SLC25A48: variants seen among roughly 807,000 people sequenced by gnomAD.
SLC25A48 encodes the protein CTC-321K16.1.
A neutral mutation model predicts 32.2 loss-of-function variants in SLC25A48; 29 were observed. The ratio of observed to expected loss-of-function variants is 0.90; its 90% CI spans 0.67 to 1.23. SLC25A48 has a LOEUF of 1.23. Among genes scored for constraint, SLC25A48 ranks in the 50% most tolerant of loss-of-function variants. The pLI is 0.00. For synonymous variants in SLC25A48, 164 were observed against 172.3 expected (o/e 0.95, Z 0.38); for missense variants, 399 against 422.7 (o/e 0.94, Z 0.49).
intron 1 of SLC25A48, among the ~76,000 whole-genome samples, chr5:135,583,462 G>A (rs138507794): frequency 4.5e-4 from 68 of 151,964 alleles, no homozygotes; most frequent in African/African-American, 1.5e-3. Context: ...AGTTCTTTTC[G>A]TGACTGACCT....
chr5:135,651,453 C>T (rs12513700), intron 3 of SLC25A48, among the ~76,000 whole-genome samples: 1 of 152,104 alleles, frequency 6.6e-6, no homozygotes, highest in African/African-American at 2.4e-5. Context: ...TAGGCAGATT[C>T]CCAGCAAGTC....
At chr5:135,585,970 A>T (rs533600200) in intron 1 of SLC25A48, among the ~76,000 whole-genome samples, 2 of 152,322 alleles carry the variant, frequency 1.3e-5, no homozygotes, top group South Asian at 4.1e-4. Flanking sequence ...TATTTATGAA[A>T]TGCTTATAGA....
intron 3 of SLC25A48, among the ~76,000 whole-genome samples, chr5:135,709,034 G>A (rs1159476209): frequency 2.0e-5 from 3 of 152,132 alleles, no homozygotes; most frequent in East Asian, 3.8e-4. Flanking sequence ...ACAAAATGTG[G>A]AAAACTCCAT....
upstream of SLC25A48, among the ~76,000 whole-genome samples, chr5:135,830,157 CA>C (rs1401377777): frequency 6.6e-6 from 1 of 152,130 alleles, no homozygotes; most frequent in East Asian, 1.9e-4. Context: ...ACGGCCCACA[CA>C]TATACTGAGT....
rs1435908601 is a variant in SLC25A48 at position 135,656,553 on chromosome 5, G to T, written c.-521+21597G>T. On this transcript the variant is annotated intron_variant, in intron 3 of 10. Transcript: ENST00000646290. ...ACTGTCCCCCTCTCTGTTATGGGTG[G>T]TATTGTATCCCCTCCAAAATAGACA... 2.0e-5 allele frequency among the ~76,000 whole-genome samples: 3 copies of T among 152,104 alleles called. No individual in the cohort carries two copies. The East Asian group carries it at 5.8e-4, about 29-fold the overall frequency.
In SLC25A48 at chr5:135,623,291, A is replaced by G. The variant is rs529715065; in HGVS notation, c.-848-5946A>G. ...AAGCTTTGTCTCCTCTTAACTCCCCATTTTAGTGCCTTACCTAGCTCCAGG... is the reference window on the plus strand; with the variant it reads ...AAGCTTTGTCTCCTCTTAACTCCCCGTTTTAGTGCCTTACCTAGCTCCAGG... On this transcript the variant is annotated intron_variant, in intron 1 of 10. Transcript: ENST00000646290. 5.3e-5 allele frequency among the ~76,000 whole-genome samples: 8 copies of G among 152,260 alleles called. No individual in the cohort carries two copies. In the East Asian group the frequency reaches 1.4e-3, roughly 26 times the overall value.
chr5:135,841,997 T>A (rs1759041674), intron 1 of SLC25A48, among the ~76,000 whole-genome samples: 1 of 152,236 alleles, frequency 6.6e-6, no homozygotes. Context: ...CGGTTGGTTG[T>A]ACACTTGGTA....
intron 3 of SLC25A48, among the ~76,000 whole-genome samples, chr5:135,725,486 C>G (rs11746304): frequency 0.38 from 58,309 of 152,030 alleles, 12,888 homozygotes; most frequent in Non-Finnish European, 0.5. Flanking sequence ...AGAAAGGAGG[C>G]TGAAGGGACA....
intron 3 of SLC25A48, among the ~76,000 whole-genome samples, chr5:135,664,013 C>G (rs912793590): frequency 6.6e-6 from 1 of 152,194 alleles, no homozygotes; most frequent in African/African-American, 2.4e-5. Flanking sequence ...GTGTCACAAT[C>G]TCTTTGTATT....
At chr5:135,848,890 A>G (rs1156548555) in intron 2 of SLC25A48, among the ~76,000 whole-genome samples, 1 of 152,218 alleles carries the variant, frequency 6.6e-6, no homozygotes, top group African/African-American at 2.4e-5. Context: ...ACTCTTGGCC[A>G]CGTTATTAGC....
At chr5:135,720,579 C>A (rs1754927299) in intron 3 of SLC25A48, among the ~76,000 whole-genome samples, 1 of 152,220 alleles carries the variant, frequency 6.6e-6, no homozygotes, top group Non-Finnish European at 1.5e-5. Context: ...TACTAAAGAA[C>A]CATGGGTTCC....
intron 1 of SLC25A48, among the ~76,000 whole-genome samples, chr5:135,611,267 C>T (rs1436006282): frequency 2.0e-5 from 3 of 151,796 alleles, no homozygotes; most frequent in Non-Finnish European, 4.4e-5. Context: ...CCCAGCACTT[C>T]GGGAGACTGA....
chr5:135,725,072 G>A (rs966374750), intron 3 of SLC25A48, among the ~76,000 whole-genome samples: 1 of 152,238 alleles, frequency 6.6e-6, no homozygotes, highest in Non-Finnish European at 1.5e-5. Context: ...TCCTGAGAGG[G>A]ACCTTCGTGA....
At chr5:135,641,432 G>C (rs1274352782) in intron 3 of SLC25A48, among the ~76,000 whole-genome samples, 1 of 152,190 alleles carries the variant, frequency 6.6e-6, no homozygotes, top group Non-Finnish European at 1.5e-5. Context: ...TGTGAGAAGA[G>C]GGACTTGTGG....
chr5:135,580,461 T>C (rs576733064), intron 1 of SLC25A48, among the ~76,000 whole-genome samples: 29 of 152,272 alleles, frequency 1.9e-4, no homozygotes, highest in Admixed American at 1.0e-3. Context: ...ATGGGGACAG[T>C]CTGCTGAAGG....
chr5:135,775,747 C>T (rs746597166), intron 3 of SLC25A48, among the ~76,000 whole-genome samples: 13 of 151,538 alleles, frequency 8.6e-5, no homozygotes, highest in South Asian at 2.1e-4. Context: ...TAATATTTCT[C>T]CCAGTATCAC....
In SLC25A48 at chr5:135,626,262, G is replaced by A. The variant is rs1337105445; in HGVS notation, c.-848-2975G>A. ...ACAAATTCCTGAGGCAGATGCTCAAGTATAAACAATGTTTTTCCACACCCA... is the reference window on the plus strand; with the variant it reads ...ACAAATTCCTGAGGCAGATGCTCAAATATAAACAATGTTTTTCCACACCCA... On this transcript the variant is annotated intron_variant, in intron 1 of 10. Transcript: ENST00000646290. 2.6e-5 allele frequency among the ~76,000 whole-genome samples: 4 copies of A among 152,262 alleles called. No homozygotes were observed. In the East Asian group the frequency reaches 7.7e-4, roughly 29 times the overall value.
intron 3 of SLC25A48, among the ~76,000 whole-genome samples, chr5:135,657,421 G>A (rs1420282988): frequency 6.6e-6 from 1 of 152,218 alleles, no homozygotes; most frequent in East Asian, 1.9e-4. Context: ...GCAAACTCTT[G>A]CATATTTTTA....
intron 3 of SLC25A48, among the ~76,000 whole-genome samples, chr5:135,636,431 G>A (rs576732092): frequency 5.3e-5 from 8 of 152,336 alleles, no homozygotes; most frequent in African/African-American, 1.9e-4. Context: ...AAGATGATGT[G>A]AAATTTTAAG....
Sources: gnomAD v4.1 joint callset for allele counts (sites outside exome capture counted in the v4.1 genomes callset) on GRCh38, gnomAD v4.1.1 for gene constraint, MANE v1.5 for transcripts, NCBI Gene and HGNC (gene_info 2026-07-23, HGNC 2026-07-21) for gene names.